The following PKNOX2 variants were observed in gnomAD, a reference collection of about 807,000 sequenced individuals.
PKNOX2 encodes homeobox protein PKNOX2.
A neutral mutation model predicts 53.1 loss-of-function variants in PKNOX2; 14 were observed. The ratio of observed to expected loss-of-function variants is 0.26; its 90% CI spans 0.17 to 0.41. The LOEUF is 0.41. PKNOX2 is among the 10% of genes least tolerant of loss of function. The pLI is 1.00. For missense variants in PKNOX2, 496 were observed against 602.8 expected (o/e 0.82, Z 1.85); for synonymous variants, 257 against 242.8 (o/e 1.06, Z -0.54).
At chr11:125,387,435 C>T (rs7925134) in intron 6 of PKNOX2, among the ~76,000 whole-genome samples, 2 of 152,294 alleles carry the variant, frequency 1.3e-5, no homozygotes, top group Admixed American at 6.5e-5. Context: ...CCCACCACCA[C>T]CTGCCAGGTG....
At chr11:125,324,354 C>T (rs1171857501) in intron 2 of PKNOX2, among the ~76,000 whole-genome samples, 3 of 152,166 alleles carry the variant, frequency 2.0e-5, no homozygotes, top group Admixed American at 6.5e-5. Flanking sequence ...TATGGTTCTT[C>T]GTAAAGGAGA....
chr11:125,278,283 G>A (rs1946318165), intron 2 of PKNOX2, among the ~76,000 whole-genome samples: 1 of 151,510 alleles, frequency 6.6e-6, no homozygotes, highest in Non-Finnish European at 1.5e-5. Flanking sequence ...CACTTCTGAA[G>A]TATATGAGAC....
At position 125,429,856 on chromosome 11, in the gene PKNOX2, C is replaced by T. The variant is rs757636598; in HGVS notation, c.1014-107C>T. On this transcript the variant is annotated intron_variant, in intron 11 of 12. Coordinates refer to ENST00000298282, the MANE Select transcript of PKNOX2 (RefSeq NM_001382323.2). ...GCTTTTACATCCGGGATGGGAACCC[C>T]GGTCTGCTCTGTGAAATGGAGTCTG... is the stretch of plus-strand genomic sequence containing the variant. The T allele has an allele frequency of 5.6e-5, 73 of 1,294,498 alleles. No individual in the cohort carries two copies. In the Admixed American group the frequency reaches 6.9e-4, roughly 12 times the overall value. 80.2% of individuals were successfully genotyped at this position (1,294,498 alleles called of 1,614,324 possible).
intron 2 of PKNOX2, chr11:125,266,627 G>A (rs982966299): frequency 2.0e-5 from 3 of 152,202 alleles, no homozygotes; most frequent in Non-Finnish European, 2.9e-5. Context: ...AAGGGAGAAC[G>A]TTTTCTCCTT....
chr11:125,282,764 A>G (rs1284805932), intron 2 of PKNOX2, among the ~76,000 whole-genome samples: 4 of 152,340 alleles, frequency 2.6e-5, no homozygotes, highest in Admixed American at 6.5e-5. Context: ...GAATTGTTCT[A>G]TGTCTGTGCT....
intron 6 of PKNOX2, among the ~76,000 whole-genome samples, chr11:125,392,886 C>T (rs1019935849): frequency 2.0e-5 from 3 of 152,058 alleles, no homozygotes; most frequent in East Asian, 3.9e-4. Context: ...TGGCCGGGCG[C>T]GGTGGCTCAC....
intron 2 of PKNOX2, among the ~76,000 whole-genome samples, chr11:125,254,304 C>A (rs1944234605): frequency 6.6e-6 from 1 of 152,232 alleles, no homozygotes; most frequent in Non-Finnish European, 1.5e-5. Context: ...GCCAGGGCTG[C>A]AAAGGGGCGA....
In PKNOX2 at chr11:125,372,894, G is replaced by A. The variant is rs60627100; in HGVS notation, c.227+4909G>A. Among the ~76,000 whole-genome samples, 151 of 152,326 alleles carry A rather than the reference G, an allele frequency of 9.9e-4. 3 individuals carry two copies. Among genetic ancestry groups the A allele is most frequent in the African/African-American group, 3.5e-3 (144 of 41,572 alleles). On this transcript the variant is annotated intron_variant, in intron 5 of 12. Coordinates refer to ENST00000298282, the MANE Select transcript of PKNOX2 (RefSeq NM_001382323.2). ...ACCAGAGAGCTCATGCTCAAGTCCA[G>A]CTCTAGTTCAATAAAAGCAATGTGA...
chr11:125,255,744 G>C (rs1591498850), intron 2 of PKNOX2, among the ~76,000 whole-genome samples: 1 of 152,108 alleles, frequency 6.6e-6, no homozygotes, highest in Non-Finnish European at 1.5e-5. Context: ...GACGGGCTTT[G>C]TTCACTTCTG....
At chr11:125,397,139 A>G (rs1160973221) in intron 6 of PKNOX2, among the ~76,000 whole-genome samples, 1 of 152,230 alleles carries the variant, frequency 6.6e-6, no homozygotes, top group Non-Finnish European at 1.5e-5. Flanking sequence ...AGGAATGTCC[A>G]TTTGAAGAGG....
intron 4 of PKNOX2, among the ~76,000 whole-genome samples, chr11:125,358,366 A>C (rs1951735832): frequency 6.6e-6 from 1 of 152,212 alleles, no homozygotes; most frequent in Admixed American, 6.5e-5. Context: ...TCCAGAGGGA[A>C]GCGATGGGAT....
intron 6 of PKNOX2, among the ~76,000 whole-genome samples, chr11:125,387,685 G>A (rs1307789868): frequency 2.0e-5 from 3 of 152,218 alleles, no homozygotes; most frequent in Admixed American, 6.5e-5. Flanking sequence ...TACTGCCAGC[G>A]TTCCCTGGTC....
intron 1 of PKNOX2, among the ~76,000 whole-genome samples, chr11:125,226,356 CCCGGAAAAACTTACACACAAATACTATT>C (rs1349772744): frequency 3.9e-5 from 6 of 152,074 alleles, no homozygotes; most frequent in Admixed American, 2.6e-4. Flanking sequence ...TAAACCTCTC[CCCGGAAAAACTTACACACAAATACTATT>C]CTGGGTAAAA....
chr11:125,335,447 G>A (rs1002921666), intron 3 of PKNOX2, among the ~76,000 whole-genome samples: 5 of 152,112 alleles, frequency 3.3e-5, no homozygotes, highest in African/African-American at 7.2e-5. Context: ...GAGGCTCTCC[G>A]AGGAGTCTTT....
rs371325354 is a variant in PKNOX2, at chr11:125,367,936, C to A, written c.178C>A (p.Pro60Thr). 3.7e-6 allele frequency: 6 copies of A among 1,613,362 alleles called. No individual in the cohort carries two copies. Among genetic ancestry groups the A allele is most frequent in the African/African-American group, 1.3e-5 (1 of 74,908 alleles). Residue 60 changes from proline to threonine, a missense_variant, in exon 5 of 13, where the codon CCC becomes ACC. By Grantham distance (38) the Pro-to-Thr change is conservative (BLOSUM62 -1). Around this residue, in one of 5 missense-constraint regions of PKNOX2, gnomAD observed 168 missense variants for 178.4 expected, o/e 0.94. Coordinates refer to ENST00000298282, the MANE Select transcript of PKNOX2 (RefSeq NM_001382323.2). ...TGCCAGCACACCTGTGCCCAGTGCC[C>A]CCATCGACCCCCAGGCCCAGCTGGA... ...AAASTPVPSA[P>T]IDPQAQLEAD...
At chr11:125,250,156 C>A (rs1046056265) in intron 2 of PKNOX2, among the ~76,000 whole-genome samples, 1 of 151,176 alleles carries the variant, frequency 6.6e-6, no homozygotes, top group Non-Finnish European at 1.5e-5. Context: ...CCTCAAATGA[C>A]CCTCCCACCT....
Position 125,302,331 on chromosome 11 carries a change from A to G in PKNOX2, c.-129-29488A>G, listed in dbSNP as rs1948135373. 1.3e-5 allele frequency among the ~76,000 whole-genome samples: 2 copies of G among 152,232 alleles called. 1 individual carries two copies. The highest frequency in any genetic ancestry group is 4.1e-4 in the South Asian group (2 of 4,830). On this transcript the variant is annotated intron_variant, in intron 2 of 12. Coordinates refer to ENST00000298282, the MANE Select transcript of PKNOX2 (RefSeq NM_001382323.2). ...CTCTCCAGCCATGCACTGACCAGCC[A>G]TGATCTGACCAGCCCCTGACAATCA... is the stretch of plus-strand genomic sequence containing the variant.
chr11:125,366,998 T>A (rs2136273881), intron 4 of PKNOX2, among the ~76,000 whole-genome samples: 1 of 152,320 alleles, frequency 6.6e-6, no homozygotes, highest in Middle Eastern at 3.4e-3. Flanking sequence ...ACCATCGTGC[T>A]ATGGACAGGG....
At chr11:125,398,977 G>T (rs969861052) in intron 7 of PKNOX2, among the ~76,000 whole-genome samples, 1 of 152,226 alleles carries the variant, frequency 6.6e-6, no homozygotes, top group Non-Finnish European at 1.5e-5. Context: ...CCAAAGAAAG[G>T]CTGTGCCGTT....
Sources: gnomAD v4.1 joint callset for allele counts (sites outside exome capture counted in the v4.1 genomes callset) on GRCh38, gnomAD v4.1.1 for gene constraint, gnomAD v4.1.1 regional missense constraint, MANE v1.5 for transcripts, NCBI Gene and HGNC (gene_info 2026-07-23, HGNC 2026-07-21) for gene names.